WWOX: variants seen among roughly 807,000 people sequenced by gnomAD.
The protein encoded by WWOX is WW domain-containing oxidoreductase.
In WWOX, 69 loss-of-function variants were observed where a neutral mutation model predicts 46.2. The ratio of observed to expected loss-of-function variants is 1.49; its 90% confidence interval spans 1.23 to 1.82. The LOEUF is 1.82. WWOX is among the 40% of genes most tolerant of loss of function. The pLI is 0.00. For missense variants in WWOX, 919 were observed against 542.6 expected, an observed-to-expected ratio of 1.69 and a Z score of -6.89; for synonymous variants, 359 against 202.6, an observed-to-expected ratio of 1.77 and a Z score of -6.56.
chr16:78,884,735 C>G (rs1425261320), intron 8 of WWOX, among the ~76,000 whole-genome samples: 2 of 152,162 alleles, frequency 1.3e-5, no homozygotes, highest in East Asian at 3.8e-4. Flanking sequence ...GTTCAAGCTA[C>G]TGGGTGTGTT....
At chr16:78,322,300 G>GA (rs368725486) in intron 5 of WWOX, among the ~76,000 whole-genome samples, 3 of 152,024 alleles carry the variant, frequency 2.0e-5, no homozygotes, top group Admixed American at 1.3e-4. Context: ...GCATTAAGGG[G>GA]AAAAAATGAC....
intron 8 of WWOX, among the ~76,000 whole-genome samples, chr16:78,941,208 C>G (rs151183519): frequency 1.3e-5 from 2 of 152,242 alleles, no homozygotes; most frequent in African/African-American, 2.4e-5. Context: ...ATAAATCTAT[C>G]ATGTAGTGGA....
intron 8 of WWOX, among the ~76,000 whole-genome samples, chr16:78,876,360 C>G (rs1452321661): frequency 2.0e-5 from 3 of 151,844 alleles, no homozygotes; most frequent in African/African-American, 7.3e-5. Flanking sequence ...CTGGAATTTT[C>G]TCTCCTTTCC....
At chr16:78,598,695 C>T (rs577400854) in intron 8 of WWOX, among the ~76,000 whole-genome samples, 5 of 152,124 alleles carry the variant, frequency 3.3e-5, no homozygotes, top group Non-Finnish European at 5.9e-5. Context: ...GCATCTCTCC[C>T]CTTAAATGCA....
At chr16:78,363,529 T>G (rs2081460477) in intron 5 of WWOX, among the ~76,000 whole-genome samples, 1 of 152,160 alleles carries the variant, frequency 6.6e-6, no homozygotes, top group African/African-American at 2.4e-5. Flanking sequence ...TCTTCCCAGC[T>G]TGGCCTCCCA....
In WWOX at chr16:79,101,397, T is replaced by A. The variant is rs541074100; in HGVS notation, c.1057-110211T>A. ...GTCAGGTAAGGTGGAATTTGGTAAATTCCCCAAATTTACAAATAGATGAAA... is the reference window on the plus strand; with the variant it reads ...GTCAGGTAAGGTGGAATTTGGTAAAATCCCCAAATTTACAAATAGATGAAA... On this transcript the variant is annotated intron_variant, in intron 8 of 8. Transcript: ENST00000566780. The A allele has an allele frequency of 7.2e-5, 11 of 152,236 alleles. No homozygotes were observed. The East Asian group carries it at 1.9e-3, about 27-fold the overall frequency. 9.4% of individuals were successfully genotyped at this position (152,236 alleles called of 1,614,324 possible).
intron 8 of WWOX, among the ~76,000 whole-genome samples, chr16:78,943,073 T>C (rs139520313): frequency 3.3e-5 from 5 of 152,196 alleles, no homozygotes; most frequent in Non-Finnish European, 7.3e-5. Context: ...ATAAGGGCAA[T>C]GACGGCAACT....
In WWOX at chr16:78,453,968, G is replaced by A. The variant is rs371356827; in HGVS notation, c.1056+21216G>A. Reference sequence around the variant, plus strand: ...CCAACTTGTAGATTGGGCAGATCTGGATTTCACCACACCTGGTTTTTGTTG... The same window carrying A: ...CCAACTTGTAGATTGGGCAGATCTGAATTTCACCACACCTGGTTTTTGTTG... On this transcript the variant is annotated intron_variant, in intron 8 of 8. Coordinates refer to ENST00000566780, the MANE Select transcript of WWOX (RefSeq NM_016373.4). Among the ~76,000 whole-genome samples, 51 of 152,210 alleles carry A rather than the reference G, an allele frequency of 3.4e-4. No individual in the cohort carries two copies. In the Middle Eastern group the frequency reaches 0.01, roughly 30 times the overall value.
chr16:78,540,860 A>AT (rs1438947997), intron 8 of WWOX, among the ~76,000 whole-genome samples: 1 of 151,842 alleles, frequency 6.6e-6, no homozygotes, highest in Non-Finnish European at 1.5e-5. Flanking sequence ...ATGTTTAAAA[A>AT]TTTTTCTTAG....
At chr16:78,233,424 G>C (rs757125174) in intron 5 of WWOX, among the ~76,000 whole-genome samples, 1 of 151,942 alleles carries the variant, frequency 6.6e-6, no homozygotes, top group African/African-American at 2.4e-5. Context: ...ACGTGCTGTG[G>C]TGGCCTATTG....
chr16:79,002,359 GATAAC>G (rs2047110665), intron 8 of WWOX, among the ~76,000 whole-genome samples: 1 of 151,496 alleles, frequency 6.6e-6, no homozygotes, highest in East Asian at 1.9e-4. Context: ...GAGTAGCTGG[GATAAC>G]AGGTGCACAC....
At chr16:78,839,556 A>T (rs146964319) in intron 8 of WWOX, among the ~76,000 whole-genome samples, 11 of 152,186 alleles carry the variant, frequency 7.2e-5, no homozygotes, top group African/African-American at 2.7e-4. Flanking sequence ...ATACTTTGCA[A>T]TAAATATTAC....
At chr16:79,194,967 T>C (rs2051209778) in intron 8 of WWOX, among the ~76,000 whole-genome samples, 1 of 152,164 alleles carries the variant, frequency 6.6e-6, no homozygotes, top group Non-Finnish European at 1.5e-5. Context: ...CTGCTAATGC[T>C]GTCAGTTCTA....
rs771184053 is a variant in WWOX at position 79,211,837 on chromosome 16, T to C, written c.*41T>C. ...GATGGGCACACACACCCGCCCTGTG[T>C]GTGTCCCCTCACGCAAGTGCCAGGG... On this transcript the variant is annotated 3_prime_UTR_variant, in exon 9 of 9. Transcript: ENST00000566780. 5.0e-6 allele frequency: 8 copies of C among 1,612,582 alleles called. No individual in the cohort carries two copies. The highest frequency in any genetic ancestry group is 6.8e-6 in the Non-Finnish European group (8 of 1,179,618).
chr16:79,086,632 A>T (rs1330880186), intron 8 of WWOX, among the ~76,000 whole-genome samples: 1 of 152,110 alleles, frequency 6.6e-6, no homozygotes, highest in East Asian at 1.9e-4. Context: ...TGTAATTCCA[A>T]CACTTTGGGA....
intron 8 of WWOX, among the ~76,000 whole-genome samples, chr16:78,691,984 T>G (rs2048000188): frequency 6.6e-6 from 1 of 152,176 alleles, no homozygotes; most frequent in Non-Finnish European, 1.5e-5. Flanking sequence ...GAGTTTCCGC[T>G]TTTGCTTCTT....
intron 8 of WWOX, among the ~76,000 whole-genome samples, chr16:78,663,589 G>A (rs1384647646): frequency 6.6e-6 from 1 of 152,082 alleles, no homozygotes. Context: ...AAGTTTTAGG[G>A]CAGACTTCTA....
At chr16:78,329,323 C>T (rs2080705429) in intron 5 of WWOX, among the ~76,000 whole-genome samples, 1 of 152,168 alleles carries the variant, frequency 6.6e-6, no homozygotes. Context: ...TGGGGAAGGG[C>T]TCTCTGATAG....
At chr16:78,192,174 T>C (rs1237777408) in intron 5 of WWOX, among the ~76,000 whole-genome samples, 1 of 151,970 alleles carries the variant, frequency 6.6e-6, no homozygotes, top group African/African-American at 2.4e-5. Context: ...ACCCCCTTAA[T>C]CTGAAATAAA....
Sources: gnomAD v4.1 joint callset for allele counts (sites outside exome capture counted in the v4.1 genomes callset) on GRCh38, gnomAD v4.1.1 for gene constraint, MANE v1.5 for transcripts, NCBI Gene and HGNC (gene_info 2026-07-23, HGNC 2026-07-21) for gene names.